Variants in CACNA1A observed in about 807,000 individuals in gnomAD.
The protein encoded by CACNA1A is calcium voltage-gated channel subunit alpha1 A.
A neutral mutation model predicts 262.4 loss-of-function variants in CACNA1A; 57 were observed. That is an observed-to-expected ratio of 0.22 (90% CI 0.18 to 0.27). The LOEUF is 0.27. Ranked by LOEUF, CACNA1A falls within the 10% of genes least tolerant of loss-of-function variation. The pLI is 1.00. For missense variants in CACNA1A, 2,526 were observed against 3,562.8 expected (o/e 0.71, Z 7.41); for synonymous variants, 1,431 against 1,419.3 (o/e 1.01, Z -0.18).
chr19:13,278,858 G>A (rs1299251585), intron 22 of CACNA1A, among the ~76,000 whole-genome samples: 1 of 152,166 alleles, frequency 6.6e-6, no homozygotes, highest in Non-Finnish European at 1.5e-5. Flanking sequence ...AGACCAGAGT[G>A]CCTGGGGTCA....
At chr19:13,210,708 T>C (rs2054780344) in intron 43 of CACNA1A, 56 bp from the exon 44 acceptor site, 1 of 1,528,494 alleles carries the variant, frequency 6.5e-7, no homozygotes, top group Non-Finnish European at 8.9e-7. Context: ...AGAAAATAAA[T>C]ATAAAAGGCA....
intron 31 of CACNA1A, among the ~76,000 whole-genome samples, chr19:13,238,595 A>ATTTTTTTTTTTTTTTT: frequency 6.8e-6 from 1 of 147,444 alleles, no homozygotes; most frequent in Non-Finnish European, 1.5e-5. Flanking sequence ...ATCACCCAGT[A>ATTTTTTTTTTTTTTTT]TTTTTTTTTT....
At chr19:13,454,442 C>T (rs1186426346) in intron 2 of CACNA1A, among the ~76,000 whole-genome samples, 1 of 151,972 alleles carries the variant, frequency 6.6e-6, no homozygotes, top group Non-Finnish European at 1.5e-5. Flanking sequence ...GCGATCTTGG[C>T]TTACTGCAAC....
At chr19:13,278,196 C>G (rs75467832) in intron 22 of CACNA1A, among the ~76,000 whole-genome samples, 7,551 of 152,182 alleles carry the variant, frequency 0.05, 214 homozygotes, top group Admixed American at 0.074. Flanking sequence ...ACATCCTTCC[C>G]CTGCTTACAA....
At chr19:13,420,953 C>A (rs2060306921) in intron 3 of CACNA1A, among the ~76,000 whole-genome samples, 1 of 152,190 alleles carries the variant, frequency 6.6e-6, no homozygotes, top group South Asian at 2.1e-4. Context: ...GAGTTCCCAA[C>A]AAAACTACAT....
intron 4 of CACNA1A, 43 bp from the exon 5 acceptor site, chr19:13,365,512 T>G: frequency 6.3e-7 from 1 of 1,591,794 alleles, no homozygotes; most frequent in Non-Finnish European, 8.6e-7. Context: ...CATGAGCAAG[T>G]ACCCCCAAAC....
intron 23 of CACNA1A, among the ~76,000 whole-genome samples, chr19:13,276,330 T>C (rs965049966): frequency 2.0e-5 from 3 of 152,242 alleles, no homozygotes; most frequent in African/African-American, 7.2e-5. Context: ...AGCCTGATCC[T>C]GTCCCCGTCA....
intron 6 of CACNA1A, among the ~76,000 whole-genome samples, chr19:13,336,840 C>T (rs2058585987): frequency 1.3e-5 from 2 of 152,162 alleles, no homozygotes; most frequent in South Asian, 4.1e-4. Flanking sequence ...CACTAGTGGA[C>T]ATGGGATTTG....
At position 13,270,571 on chromosome 19, in the gene CACNA1A, C is replaced by T. The variant is rs545895159; in HGVS notation, c.3989+5279G>A. 1.6e-4 allele frequency among the ~76,000 whole-genome samples: 25 copies of T among 152,318 alleles called. No homozygotes were observed. In the South Asian group the frequency reaches 1.7e-3, roughly 10 times the overall value. ...GGCAAAAGAGGCCAGAAACCTGTAA[C>T]GGGGAGAAGATTCCAAAACTTTTTA... On this transcript the variant is annotated intron_variant, in intron 24 of 46. Transcript: ENST00000360228.
chr19:13,438,481 G>A (rs914807289), intron 3 of CACNA1A, among the ~76,000 whole-genome samples: 1 of 152,240 alleles, frequency 6.6e-6, no homozygotes, highest in African/African-American at 2.4e-5. Flanking sequence ...AAGCTGCCAT[G>A]TGAACTAGCT....
intron 6 of CACNA1A, among the ~76,000 whole-genome samples, chr19:13,337,677 A>AC (rs1211552864): frequency 6.8e-6 from 1 of 146,968 alleles, no homozygotes; most frequent in Non-Finnish European, 1.5e-5. Flanking sequence ...ACTACTTGAA[A>AC]AATTGGTTGA....
chr19:13,227,404 C>T (rs755301797), intron 37 of CACNA1A, 27 bp downstream of exon 37: 9 of 1,253,376 alleles, frequency 7.2e-6, no homozygotes, highest in Admixed American at 5.9e-5. Flanking sequence ...AGTGCCTGGA[C>T]GTCGGTGGTC....
At chr19:13,227,581 G>T in intron 36 of CACNA1A, 54 bp from the exon 37 acceptor site, 1 of 1,018,338 alleles carries the variant, frequency 9.8e-7, no homozygotes, top group Non-Finnish European at 1.5e-6. Flanking sequence ...AACAAAACGG[G>T]AATGGGAACA....
At chr19:13,402,869 CACACATATAT>C (rs1300697785) in intron 3 of CACNA1A, among the ~76,000 whole-genome samples, 7 of 75,680 alleles carry the variant, frequency 9.2e-5, no homozygotes, top group South Asian at 5.2e-4. Flanking sequence ...CACACACACA[CACACATATAT>C]ATATATATAT....
intron 24 of CACNA1A, among the ~76,000 whole-genome samples, chr19:13,265,291 T>C (rs966507381): frequency 6.6e-6 from 1 of 152,124 alleles, no homozygotes; most frequent in Admixed American, 6.6e-5. Context: ...CTAGAAAACA[T>C]CTCCCTACAG....
intron 1 of CACNA1A, among the ~76,000 whole-genome samples, chr19:13,497,519 AAAATATATATATATATATATATATATAT>A (rs1981776638): frequency 1.0e-4 from 2 of 19,302 alleles, no homozygotes; most frequent in Non-Finnish European, 1.8e-4. Context: ...AAAAAAAAAA[AAAATATATATATATATATATATATATAT>A]ATATATATAT....
chr19:13,449,390 T>C (rs1329254534), intron 3 of CACNA1A, among the ~76,000 whole-genome samples: 3 of 152,156 alleles, frequency 2.0e-5, no homozygotes, highest in African/African-American at 7.2e-5. Flanking sequence ...GTCGACCTTA[T>C]GGGCTTAAGT....
At chr19:13,264,471 C>T (rs1325472100) in intron 24 of CACNA1A, among the ~76,000 whole-genome samples, 3 of 152,230 alleles carry the variant, frequency 2.0e-5, no homozygotes, top group Admixed American at 2.0e-4. Flanking sequence ...TTCTGGAGCA[C>T]GTGAATTCTC....
rs745775887 is a variant in CACNA1A, at chr19:13,212,736, C to T, written c.5945G>A (p.Arg1982Gln). Residue 1982 changes from arginine to glutamine, a missense_variant, in exon 41 of 47, where the codon CGG (arginine) becomes CAG (glutamine). By Grantham distance (43) the Arg-to-Gln change is conservative (BLOSUM62 1). Transcript: ENST00000360228. This position sits in a 1 kb window ranked among gnomAD's most constrained non-coding sequence, Gnocchi z 5.6. ...CATGCGCTGGAACATGAGGGGTGTC[C>T]GGTCCTGGGGAATGGGGCAGAGAGC... ...KLQAMREEQD[R>Q]TPLMFQRMEP... The T allele has an allele frequency of 2.5e-5, 38 of 1,491,802 alleles. No individual in the cohort carries two copies. The highest frequency in any genetic ancestry group is 7.1e-5 in the Admixed American group (3 of 42,084). The allele number at this position is 1,491,802 out of a possible 1,614,324, so 92.4% of individuals were successfully genotyped here.
Sources: gnomAD v4.1 joint callset for allele counts (sites outside exome capture counted in the v4.1 genomes callset) on GRCh38, gnomAD v4.1.1 for gene constraint, Gnocchi (gnomAD v3.1) non-coding constraint, MANE v1.5 for transcripts, NCBI Gene and HGNC (gene_info 2026-07-23, HGNC 2026-07-21) for gene names.